SHCBP1: variants seen among roughly 807,000 people sequenced by gnomAD.
SHCBP1 encodes the protein SHC SH2 domain-binding protein 1.
Under a neutral mutation model 75.1 loss-of-function variants are expected in SHCBP1, and 60 were observed. The observed-to-expected ratio is 0.80, with a 90% confidence interval of 0.65 to 0.99. SHCBP1 has a LOEUF of 0.99. Among genes scored for constraint, SHCBP1 ranks in the 50% least tolerant of loss-of-function variants. The pLI, the probability that SHCBP1 is intolerant of heterozygous loss-of-function variation, is 0.00. For synonymous variants in SHCBP1, 290 were observed against 293.2 expected (o/e 0.99, Z 0.11); for missense variants, 709 against 809.4 (o/e 0.88, Z 1.50).
intron 4 of SHCBP1, among the ~76,000 whole-genome samples, chr16:46,611,405 G>A (rs1965414501): frequency 6.6e-6 from 1 of 152,202 alleles, no homozygotes; most frequent in Non-Finnish European, 1.5e-5. Flanking sequence ...TTTTGAAGTG[G>A]GTGATGGCAG....
At chr16:46,618,486 T>C in intron 1 of SHCBP1, 114 bp from the exon 2 acceptor site, 1 of 1,147,826 alleles carries the variant, frequency 8.7e-7, no homozygotes, top group South Asian at 2.0e-5. Flanking sequence ...TGAATATGAA[T>C]AGTCTACTTA....
intron 10 of SHCBP1, among the ~76,000 whole-genome samples, chr16:46,590,471 A>G (rs186813995): frequency 2.0e-5 from 3 of 152,258 alleles, no homozygotes; most frequent in Admixed American, 2.0e-4. Context: ...AATTTACAAG[A>G]AAAAATCAAA....
intron 2 of SHCBP1, 27 bp downstream of exon 2, chr16:46,618,176 CAA>C (rs749741669): frequency 1.5e-4 from 165 of 1,131,824 alleles, no homozygotes; most frequent in South Asian, 4.1e-4. Context: ...AACTCCATCT[CAA>C]AAAAAAAAAG....
chr16:46,617,576 G>A, intron 3 of SHCBP1, 58 bp downstream of exon 3: 1 of 1,326,974 alleles, frequency 7.5e-7, no homozygotes, highest in Admixed American at 1.9e-5. Context: ...GGATATAACA[G>A]TCTGAAGTAA....
At chr16:46,602,864 CAAGTGATCTGCCCACCTCGGCCTCCCA>C (rs1179975523) in intron 8 of SHCBP1, among the ~76,000 whole-genome samples, 1 of 152,230 alleles carries the variant, frequency 6.6e-6, no homozygotes, top group Admixed American at 6.5e-5. Context: ...CTCCTGGCCT[CAAGTGATCTGCCCACCTCGGCCTCCCA>C]AAGTGCTGGG....
intron 10 of SHCBP1, among the ~76,000 whole-genome samples, chr16:46,592,357 A>T (rs1965060731): frequency 6.6e-6 from 1 of 152,170 alleles, no homozygotes; most frequent in South Asian, 2.1e-4. Context: ...TAGAAGTAGT[A>T]GTCCAATACC....
chr16:46,586,918 A>C (rs1168393011), intron 10 of SHCBP1, among the ~76,000 whole-genome samples: 2 of 152,150 alleles, frequency 1.3e-5, no homozygotes, highest in Non-Finnish European at 2.9e-5. Flanking sequence ...AAAATTTGTC[A>C]CCAGCAGACG....
intron 11 of SHCBP1, 118 bp downstream of exon 11, chr16:46,583,885 G>A (rs1389602979): frequency 3.1e-6 from 3 of 953,910 alleles, no homozygotes; most frequent in Non-Finnish European, 4.7e-6. Flanking sequence ...TTATCAAAAT[G>A]TGTACACTGT....
intron 10 of SHCBP1, among the ~76,000 whole-genome samples, chr16:46,587,012 A>C (rs535095562): frequency 2.6e-5 from 4 of 152,128 alleles, no homozygotes; most frequent in Non-Finnish European, 5.9e-5. Context: ...AAAAAGAAAA[A>C]AAAAGAACAC....
chr16:46,603,945 G>A, intron 7 of SHCBP1, 30 bp downstream of exon 7: 1 of 1,575,802 alleles, frequency 6.3e-7, no homozygotes, highest in South Asian at 1.2e-5. Context: ...AGGAAAAAAA[G>A]CCACCTGGAG....
At chr16:46,593,702 G>A (rs753500454) in intron 10 of SHCBP1, among the ~76,000 whole-genome samples, 5 of 149,932 alleles carry the variant, frequency 3.3e-5, no homozygotes, top group Admixed American at 2.7e-4. Context: ...TCATGCCACC[G>A]CATTCCAGCC....
intron 8 of SHCBP1, among the ~76,000 whole-genome samples, chr16:46,602,671 C>T (rs1015314286): frequency 1.4e-4 from 21 of 152,164 alleles, no homozygotes. Context: ...TGCTCTGTCA[C>T]CCAGGCTGAA....
rs1416376003 is a variant in SHCBP1, at chr16:46,583,576, CA to C, written c.1632del (p.Val545SerfsTer3). 6.2e-7 allele frequency: 1 copy of C among 1,611,760 alleles called. No homozygotes were observed. The highest frequency in any genetic ancestry group is 1.1e-5 in the South Asian group (1 of 90,190). ...NIIHNNEGYGVVLVKPTIFSD... is the reference protein window; with the variant it reads ...NIIHNNEGYGXVLVKPTIFSD... ...GAGAAGATTGTAGGTTTCACCAAGA[CA>C]ACACCATAACCTTCATTATTATGTA... On this transcript the variant is annotated frameshift_variant, in exon 12 of 13. Coordinates refer to ENST00000303383, the MANE Select transcript of SHCBP1 (RefSeq NM_024745.5). LOFTEE classifies it high-confidence loss of function.
chr16:46,604,269 C>G lies in SHCBP1; in HGVS notation c.882G>C (p.Gln294His), dbSNP rs1965291818. 2 of 1,614,232 alleles carry G rather than the reference C, an allele frequency of 1.2e-6. No homozygotes were observed. The highest frequency in any genetic ancestry group is 1.7e-6 in the Non-Finnish European group (2 of 1,180,038). The change falls in exon 6 of 13, where the codon CAG (glutamine) becomes CAC (histidine). Residue 294 changes from glutamine (Q) to histidine (H), a missense_variant. Gln to His is a conservative substitution (Grantham distance 24). Coordinates refer to ENST00000303383, the MANE Select transcript of SHCBP1 (RefSeq NM_024745.5). ...EGLKLYSEME[Q>H]LKQKLKLIEN... ...CAATGAGTTTCAGCTTTTGTTTCAA[C>G]TGTTCCATCTCCGAATACAATTTTA...
chr16:46,592,291 T>C (rs975491142), intron 10 of SHCBP1, among the ~76,000 whole-genome samples: 1 of 152,150 alleles, frequency 6.6e-6, no homozygotes, highest in Non-Finnish European at 1.5e-5. Flanking sequence ...ACCCTGCAGA[T>C]ATCAGAAGAA....
intron 1 of SHCBP1, among the ~76,000 whole-genome samples, chr16:46,619,337 C>T (rs1228125754): frequency 6.6e-6 from 1 of 152,196 alleles, no homozygotes; most frequent in Non-Finnish European, 1.5e-5. Flanking sequence ...TTAGCAGATA[C>T]CTTTTTTCTC....
chr16:46,613,259 G>A lies in SHCBP1; in HGVS notation c.596+2687C>T, dbSNP rs372235015. On this transcript the variant is annotated intron_variant, in intron 4 of 12. Coordinates refer to ENST00000303383, the MANE Select transcript of SHCBP1 (RefSeq NM_024745.5). Reference sequence around the variant, plus strand: ...GAGGATGCCTTGAGCCCCACAGTTCGAGCCTGCATTGAATCACATGATTGC... The same window carrying A: ...GAGGATGCCTTGAGCCCCACAGTTCAAGCCTGCATTGAATCACATGATTGC... Among the ~76,000 whole-genome samples the A allele has an allele frequency of 1.2e-4, 18 of 152,230 alleles. 1 individual carries two copies. The highest frequency in any genetic ancestry group is 3.9e-4 in the African/African-American group (16 of 41,540).
At chr16:46,597,838 T>C (rs1165216867) in intron 9 of SHCBP1, among the ~76,000 whole-genome samples, 1 of 152,234 alleles carries the variant, frequency 6.6e-6, no homozygotes, top group East Asian at 1.9e-4. Context: ...AAAGTCTGCC[T>C]CTGCTTTACC....
Position 46,594,801 on chromosome 16 carries a change from T to C in SHCBP1, c.1464+751A>G, listed in dbSNP as rs1965109453. ...ACAAAAACCTGTACCCGAACGTTTA[T>C]AGCAGCTTTACTGACAATAGGCAAA... On this transcript the variant is annotated intron_variant, in intron 10 of 12. Transcript: ENST00000303383. Among the ~76,000 whole-genome samples the C allele has an allele frequency of 2.0e-5, 3 of 152,204 alleles. No individual in the cohort carries two copies. In the South Asian group the frequency reaches 6.2e-4, roughly 31 times the overall value.
Sources: allele counts gnomAD v4.1 joint callset (sites outside exome capture counted in the v4.1 genomes callset), GRCh38; gene constraint gnomAD v4.1.1; transcripts MANE v1.5; gene names NCBI Gene and HGNC (gene_info 2026-07-23, HGNC 2026-07-21).